The following NHSL2 variants were observed in gnomAD, a reference collection of about 807,000 sequenced individuals.
NHSL2 encodes the protein NHS-like protein 2.
In NHSL2, 27 loss-of-function variants were observed where a neutral mutation model predicts 53.4. The observed-to-expected ratio is 0.51, with a 90% CI of 0.37 to 0.70. NHSL2 has a LOEUF of 0.70. Ranked by LOEUF, NHSL2 falls within the 30% of genes least tolerant of loss-of-function variation. The pLI is 0.00. For synonymous variants in NHSL2, 408 were observed against 404.1 expected, an observed-to-expected ratio of 1.01 and a Z score of -0.12; for missense variants, 892 against 980.1, an observed-to-expected ratio of 0.91 and a Z score of 1.20.
intron 1 of NHSL2, among the ~76,000 whole-genome samples, chrX:71,986,658 G>C (rs766195965): frequency 1.8e-5 from 2 of 112,044 alleles, no homozygotes. Flanking sequence ...GTTTTAATTA[G>C]TTTGACCATA....
intron 1 of NHSL2, among the ~76,000 whole-genome samples, chrX:71,922,495 C>T (rs1402291951): frequency 2.7e-5 from 3 of 112,022 alleles, no homozygotes; most frequent in Non-Finnish European, 3.8e-5. Flanking sequence ...TACTGTACAT[C>T]GAGGATGATA....
intron 1 of NHSL2, among the ~76,000 whole-genome samples, chrX:72,057,881 AG>A (rs2042378245): frequency 8.9e-6 from 1 of 112,518 alleles, no homozygotes; most frequent in Admixed American, 9.4e-5. Flanking sequence ...ACTCAGAAAA[AG>A]GGGGGAAAAG....
At chrX:72,029,096 A>G (rs2042200977) in intron 1 of NHSL2, among the ~76,000 whole-genome samples, 1 of 111,342 alleles carries the variant, frequency 9.0e-6, no homozygotes, top group South Asian at 3.8e-4. Context: ...TGTGTGTATG[A>G]TATAGGAAGT....
intron 4 of NHSL2, among the ~76,000 whole-genome samples, chrX:72,135,622 G>A (rs1352460558): frequency 1.8e-5 from 2 of 112,247 alleles, no homozygotes; most frequent in Non-Finnish European, 3.8e-5. Context: ...CACTGTCACT[G>A]GCATCATTTC....
intron 1 of NHSL2, among the ~76,000 whole-genome samples, chrX:72,126,248 G>C (rs185991863): frequency 6.3e-5 from 7 of 111,759 alleles, no homozygotes; most frequent in African/African-American, 2.0e-4. Context: ...GGAGGCAGGG[G>C]GGGTAGGACA....
At chrX:71,945,078 C>T (rs2041786143) in intron 1 of NHSL2, among the ~76,000 whole-genome samples, 1 of 112,183 alleles carries the variant, frequency 8.9e-6, no homozygotes, top group East Asian at 2.8e-4. Context: ...AGGAATTAGG[C>T]AACCAAGATG....
intron 1 of NHSL2, among the ~76,000 whole-genome samples, chrX:72,013,703 G>GA (rs765843352): frequency 9.1e-6 from 1 of 109,969 alleles, no homozygotes; most frequent in African/African-American, 3.3e-5. Flanking sequence ...GCTTGATCCA[G>GA]AAAAAAATAT....
chrX:72,000,590 C>T (rs924234089), intron 1 of NHSL2, among the ~76,000 whole-genome samples: 1 of 111,881 alleles, frequency 8.9e-6, no homozygotes, highest in Admixed American at 9.5e-5. Context: ...TAGGACTCTA[C>T]GGGACAATCC....
intron 1 of NHSL2, chrX:72,130,835 C>T (rs1429162790): frequency 8.3e-7 from 1 of 1,211,725 alleles, no homozygotes; most frequent in Non-Finnish European, 1.1e-6. Flanking sequence ...TTTTTAGCCA[C>T]ACGTGGGGGG....
intron 1 of NHSL2, among the ~76,000 whole-genome samples, chrX:72,119,785 T>C (rs1054701295): frequency 8.9e-6 from 1 of 112,174 alleles, no homozygotes; most frequent in Non-Finnish European, 1.9e-5. Context: ...AGTATAATGT[T>C]GAACAGAAGT....
At chrX:72,032,104 A>T (rs199771202) in intron 1 of NHSL2, among the ~76,000 whole-genome samples, 19 of 61,748 alleles carry the variant, frequency 3.1e-4, no homozygotes, top group African/African-American at 7.7e-4. Flanking sequence ...AAAAAAAAAA[A>T]AAATAAGCCA....
chrX:71,963,982 T>TATATAC (rs1569467043), intron 1 of NHSL2, among the ~76,000 whole-genome samples: 1 of 64,228 alleles, frequency 1.6e-5, no homozygotes, highest in Non-Finnish European at 2.6e-5. Flanking sequence ...TACATATATA[T>TATATAC]ATATATATAT....
intron 1 of NHSL2, among the ~76,000 whole-genome samples, chrX:72,099,361 A>ATTTTTTTTTTTT (rs753132294): frequency 1.2e-5 from 1 of 84,345 alleles, no homozygotes; most frequent in Admixed American, 1.4e-4. Context: ...TTGTGTAGGA[A>ATTTTTTTTTTTT]TTTTTTTTTT....
chrX:72,085,856 C>T (rs1291134812), intron 1 of NHSL2, among the ~76,000 whole-genome samples: 1 of 110,056 alleles, frequency 9.1e-6, no homozygotes, highest in Admixed American at 9.7e-5. Flanking sequence ...GCCCTCTCCC[C>T]CACCTTTGTG....
chrX:71,940,464 G>A (rs1211440830), intron 1 of NHSL2, among the ~76,000 whole-genome samples: 2 of 111,538 alleles, frequency 1.8e-5, no homozygotes, highest in Non-Finnish European at 3.8e-5. Flanking sequence ...GAGAGGGCAT[G>A]CTTCAGTGCT....
At chrX:71,964,043 G>A (rs201254288) in intron 1 of NHSL2, among the ~76,000 whole-genome samples, 5,341 of 52,916 alleles carry the variant, frequency 0.1, 834 homozygotes, top group African/African-American at 0.25. Flanking sequence ...ATATATATAT[G>A]TATATATATA....
intron 1 of NHSL2, among the ~76,000 whole-genome samples, chrX:71,973,630 G>A (rs754556809): frequency 3.6e-5 from 4 of 110,937 alleles, no homozygotes; most frequent in Non-Finnish European, 5.7e-5. Context: ...CTGGGGAGGT[G>A]GGGAGGGGAT....
At chrX:71,930,413 A>C (rs2041707001) in intron 1 of NHSL2, among the ~76,000 whole-genome samples, 1 of 112,230 alleles carries the variant, frequency 8.9e-6, no homozygotes. Flanking sequence ...CATACCATTT[A>C]ATTCCCCCAT....
intron 1 of NHSL2, among the ~76,000 whole-genome samples, chrX:71,957,243 T>A (rs1453535648): frequency 8.9e-6 from 1 of 111,988 alleles, no homozygotes; most frequent in East Asian, 2.8e-4. Context: ...GGACCTGTTA[T>A]GGGCTGGGGT....
Sources: allele counts gnomAD v4.1 joint callset (sites outside exome capture counted in the v4.1 genomes callset), GRCh38; gene constraint gnomAD v4.1.1; transcripts MANE v1.5; gene names NCBI Gene and HGNC (gene_info 2026-07-23, HGNC 2026-07-21).